The following SETD1A variants were observed in gnomAD, a reference collection of about 807,000 sequenced individuals.
The protein encoded by SETD1A is histone-lysine N-methyltransferase SETD1A.
In SETD1A, 29 loss-of-function variants were observed where a neutral mutation model predicts 149.9. The ratio of observed to expected loss-of-function variants is 0.19; its 90% CI spans 0.14 to 0.26. The LOEUF (loss-of-function observed/expected upper bound fraction) is 0.26, where lower values mean the gene tolerates loss of function less well. SETD1A is among the 10% of genes least tolerant of loss of function. SETD1A has a pLI of 1.00. For synonymous variants in SETD1A, 1,141 were observed against 968.5 expected (o/e 1.18, Z -3.31); for missense variants, 2,109 against 2,353.1 (o/e 0.90, Z 2.15).
Position 30,971,659 on chromosome 16 carries a change from G to A in SETD1A, c.3298G>A (p.Val1100Ile). Residue 1100 changes from valine (V) to isoleucine (I), a missense_variant, in exon 13 of 19, where the codon GTT becomes ATT. Val to Ile is a conservative substitution (Grantham distance 29, BLOSUM62 3). This residue lies in a region of SETD1A where 832 missense variants were observed against 815.6 expected (regional missense o/e 1.02). Coordinates refer to ENST00000262519, the MANE Select transcript of SETD1A (RefSeq NM_014712.3). ...TGTGGAGGTGCCAGTGCCGGAAAGGGTTGCAGGCTCCCCAGTCACACCCCT... is the reference window on the plus strand; with the variant it reads ...TGTGGAGGTGCCAGTGCCGGAAAGGATTGCAGGCTCCCCAGTCACACCCCT... ...APVEVPVPER[V>I]AGSPVTPLPE... 1.2e-6 allele frequency: 2 copies of A among 1,608,274 alleles called. No individual in the cohort carries two copies. The highest frequency in any genetic ancestry group is 1.1e-5 in the South Asian group (1 of 90,782).
chr16:30,966,976 G>T lies in SETD1A; in HGVS notation c.2598G>T (p.Trp866Cys). The change falls in exon 9 of 19, where the codon TGG becomes TGT. Residue 866 changes from tryptophan to cysteine, a missense_variant. Physicochemically the swap from Trp to Cys is radical, Grantham distance 215. Coordinates refer to ENST00000262519, the MANE Select transcript of SETD1A (RefSeq NM_014712.3). ...KEPGLLSLVDWAKSGGTTGIE... is the reference protein window; with the variant it reads ...KEPGLLSLVDCAKSGGTTGIE... ...CTGGCCTGCTGTCCCTCGTGGACTG[G>T]GCCAAGAGCGGGGGCACTACGGGCA... 1 of 1,592,508 alleles carries T rather than the reference G, an allele frequency of 6.3e-7. No individual in the cohort carries two copies. The highest frequency in any genetic ancestry group is 8.5e-7 in the Non-Finnish European group (1 of 1,170,190).
In SETD1A at chr16:30,961,580, G is replaced by T; in HGVS notation, c.517+43G>T. The stretch of plus-strand genomic sequence containing the variant: ...TGCCACTCAGGCTTGGCCTCCAGCG[G>T]AGGTTGTACATGCAAATGCCTGTCA... On this transcript the variant is annotated intron_variant, in intron 4 of 18. Coordinates refer to ENST00000262519, the MANE Select transcript of SETD1A (RefSeq NM_014712.3). This position sits in a 1 kb window ranked among gnomAD's most constrained non-coding sequence, Gnocchi z 4.0. The T allele has an allele frequency of 6.3e-7, 1 of 1,599,014 alleles. No individual in the cohort carries two copies. The highest frequency in any genetic ancestry group is 1.1e-5 in the South Asian group (1 of 89,652).
intron 4 of SETD1A, among the ~76,000 whole-genome samples, chr16:30,962,064 A>ATT (rs60360905): frequency 9.1e-6 from 1 of 110,346 alleles, no homozygotes; most frequent in Non-Finnish European, 1.9e-5. Flanking sequence ...CCTGTTTTTA[A>ATT]TTTTTTTTTT....
At position 30,971,668 on chromosome 16, in the gene SETD1A, TC is replaced by T; in HGVS notation, c.3311del (p.Pro1104GlnfsTer158). ...EVPVPERVAG[S>X]PVTPLPEQEA... ...GCCAGTGCCGGAAAGGGTTGCAGGC[TC>T]CCCAGTCACACCCCTGCCCGAACAG... On this transcript the variant is annotated frameshift_variant, in exon 13 of 19. Transcript: ENST00000262519. LOFTEE classifies it high-confidence loss of function. 6.2e-7 allele frequency: 1 copy of T among 1,605,284 alleles called. No individual in the cohort carries two copies. The highest frequency in any genetic ancestry group is 8.5e-7 in the Non-Finnish European group (1 of 1,173,824).
intron 13 of SETD1A, among the ~76,000 whole-genome samples, chr16:30,972,433 G>A (rs1320527884): frequency 1.3e-5 from 2 of 151,630 alleles, no homozygotes; most frequent in African/African-American, 2.4e-5. Context: ...TCAGGAGATC[G>A]AGACCATCCT....
At position 30,979,983 on chromosome 16, in the gene SETD1A, G is replaced by GCGC. The variant is rs1304934408; in HGVS notation, c.4205_4207dup (p.Arg1402dup). The GCGC allele has an allele frequency of 2.7e-6, 4 of 1,509,142 alleles. No homozygotes were observed. Among genetic ancestry groups the GCGC allele is most frequent in the South Asian group, 1.2e-5 (1 of 80,010 alleles). The allele number at this position is 1,509,142 out of a possible 1,614,324, so 93.5% of individuals were successfully genotyped here. A position where few individuals can be genotyped will look rare whatever the true frequency, so the allele number is the denominator to read the frequency against. ...GGCGCAGCCTCCGCTCCCACGCCCG[G>GCGC]CGCCGCCGCCCTCCGCCCCCACCCC... On this transcript the variant is annotated inframe_insertion, in exon 14 of 19. Transcript: ENST00000262519.
Position 30,967,564 on chromosome 16 carries a change from A to T in SETD1A, c.2746A>T (p.Thr916Ser), listed in dbSNP as rs777055935. ...ASEEKRPRPS[T>S]PAEEDEDDPE... is the part of the protein sequence containing the mutation. ...TGAGGAAAAGAGGCCTCGTCCCTCC[A>T]CTCCTGCTGAGGAAGATGAAGACGG... The change falls in exon 10 of 19, where the codon ACT becomes TCT. Residue 916 changes from threonine to serine, a missense_variant. By Grantham distance (58) the Thr-to-Ser change is moderately conservative. Coordinates refer to ENST00000262519, the MANE Select transcript of SETD1A (RefSeq NM_014712.3). The T allele has an allele frequency of 1.2e-6, 2 of 1,613,422 alleles. No individual in the cohort carries two copies. The highest frequency in any genetic ancestry group is 1.7e-6 in the Non-Finnish European group (2 of 1,179,860).
At chr16:30,968,333 G>A (rs2056176070) in intron 10 of SETD1A, among the ~76,000 whole-genome samples, 1 of 150,648 alleles carries the variant, frequency 6.6e-6, no homozygotes, top group African/African-American at 2.4e-5. Context: ...AACCCAGGAG[G>A]TGGAGGTTAC....
intron 13 of SETD1A, among the ~76,000 whole-genome samples, chr16:30,978,838 C>T (rs1343221393): frequency 2.0e-5 from 3 of 152,196 alleles, no homozygotes; most frequent in Non-Finnish European, 4.4e-5. Context: ...CCCTTCTCAG[C>T]GTGGTTACAG....
chr16:30,981,268 C>T (rs1309751014), intron 17 of SETD1A, 88 bp downstream of exon 17: 1 of 1,535,638 alleles, frequency 6.5e-7, no homozygotes, highest in African/African-American at 1.4e-5. Flanking sequence ...CCGGTTAAAG[C>T]CTTGCACACT....
rs2056418779 is a variant in SETD1A at position 30,983,888 on chromosome 16, G to A, written c.4989G>A (p.Gln1663=). 6.2e-7 allele frequency: 1 copy of A among 1,612,230 alleles called. No individual in the cohort carries two copies. The highest frequency in any genetic ancestry group is 8.5e-7 in the Non-Finnish European group (1 of 1,179,092). Reference sequence around the variant, plus strand: ...CCAAGGTCATCACCATCGAGTCCCAGAAGAAGATCGTGATCTACTCCAAGC... The same window carrying A: ...CCAAGGTCATCACCATCGAGTCCCAAAAGAAGATCGTGATCTACTCCAAGC... ...CYAKVITIES[Q]KKIVIYSKQP... is the part of the protein sequence containing the mutation. Residue 1663 remains glutamine, a synonymous_variant, in exon 19 of 19, where the codon CAG becomes CAA. Coordinates refer to ENST00000262519, the MANE Select transcript of SETD1A (RefSeq NM_014712.3). This position sits in a 1 kb window ranked among gnomAD's most constrained non-coding sequence, Gnocchi z 6.8.
In SETD1A at chr16:30,979,292, C is replaced by G. The variant is rs1567362575; in HGVS notation, c.3506C>G (p.Ser1169Cys). The G allele has an allele frequency of 1.2e-6, 2 of 1,611,520 alleles. No homozygotes were observed. The highest frequency in any genetic ancestry group is 1.7e-6 in the Non-Finnish European group (2 of 1,178,848). Residue 1169 changes from serine to cysteine, a missense_variant, in exon 14 of 19, where the codon TCC becomes TGC. Around this residue, in one of 8 missense-constraint regions of SETD1A, gnomAD observed 832 missense variants for 815.6 expected, o/e 1.02. Coordinates refer to ENST00000262519, the MANE Select transcript of SETD1A (RefSeq NM_014712.3). Reference protein sequence around the residue: ...PPPKKRRKTVSFSAIEVVPAP... With the variant: ...PPPKKRRKTVCFSAIEVVPAP... Reference sequence around the variant, plus strand: ...CCCAAGAAACGCCGGAAAACTGTCTCCTTCTCTGCCATCGAGGTGGTGCCA... The same window carrying G: ...CCCAAGAAACGCCGGAAAACTGTCTGCTTCTCTGCCATCGAGGTGGTGCCA...
intron 9 of SETD1A, among the ~76,000 whole-genome samples, 188 bp downstream of exon 9, chr16:30,967,248 G>A (rs2056161177): frequency 6.6e-6 from 1 of 152,126 alleles, no homozygotes; most frequent in African/African-American, 2.4e-5. Context: ...CCGCCTCCCG[G>A]GTTCAAGCGA....
chr16:30,978,939 C>T (rs1259664320), intron 13 of SETD1A, among the ~76,000 whole-genome samples: 1 of 152,232 alleles, frequency 6.6e-6, no homozygotes, highest in African/African-American at 2.4e-5. Context: ...ACACGTGTCA[C>T]AGCGGGAACG....
Position 30,984,137 on chromosome 16 carries a change from C to A in SETD1A, c.*114C>A. The A allele has an allele frequency of 1.9e-6, 2 of 1,070,224 alleles. No individual in the cohort carries two copies. The highest frequency in any genetic ancestry group is 2.6e-6 in the Non-Finnish European group (2 of 767,316). 66.3% of individuals were successfully genotyped at this position (1,070,224 alleles called of 1,614,324 possible). The stretch of plus-strand genomic sequence containing the variant: ...GGGCCCACATGCCCCCATCTCCAAG[C>A]GTGGGGTTGGGGGCCCCAAGCCCAG... On this transcript the variant is annotated 3_prime_UTR_variant, in exon 19 of 19. Transcript: ENST00000262519.
At position 30,969,357 on chromosome 16, in the gene SETD1A, C is replaced by G; in HGVS notation, c.2823C>G (p.Pro941=). ...AGEPGRPGTK[P]PKRDEERGKT... is the part of the protein sequence containing the mutation. ...AGCCAGGACGTCCGGGGACCAAGCC[C>G]CCGAAGCGGGACGAAGAGCGAGGCA... Residue 941 remains proline (P), a synonymous_variant, in exon 11 of 19, where the codon CCC becomes CCG. Transcript: ENST00000262519. The G allele has an allele frequency of 2.5e-6, 4 of 1,614,178 alleles. No individual in the cohort carries two copies. The highest frequency in any genetic ancestry group is 3.4e-6 in the Non-Finnish European group (4 of 1,180,024).
chr16:30,968,481 T>C (rs754497603), intron 10 of SETD1A, among the ~76,000 whole-genome samples: 50 of 149,942 alleles, frequency 3.3e-4, no homozygotes, highest in East Asian at 3.9e-4. Context: ...CACACACACA[T>C]ATATATATAC....
chr16:30,984,064 C>A lies in SETD1A; in HGVS notation c.*41C>A. 6.4e-7 allele frequency: 1 copy of A among 1,565,520 alleles called. No individual in the cohort carries two copies. Among genetic ancestry groups the A allele is most frequent in the South Asian group, 1.2e-5 (1 of 84,646 alleles). ...GTGCCCACACCCCTATTTATTCCCC[C>A]TGGTGCCCTGAGCTCCCAGCACCCC... is the stretch of plus-strand genomic sequence containing the variant. On this transcript the variant is annotated 3_prime_UTR_variant, in exon 19 of 19. Coordinates refer to ENST00000262519, the MANE Select transcript of SETD1A (RefSeq NM_014712.3).
At position 30,963,523 on chromosome 16, in the gene SETD1A, A is replaced by G. The variant is rs1567350951; in HGVS notation, c.608A>G (p.Lys203Arg). 1.2e-6 allele frequency: 2 copies of G among 1,613,334 alleles called. No individual in the cohort carries two copies. Among genetic ancestry groups the G allele is most frequent in the African/African-American group, 2.7e-5 (2 of 74,914 alleles). Residue 203 changes from lysine (K) to arginine (R), a missense_variant, in exon 5 of 19, where the codon AAG becomes AGG. By Grantham distance (26) the Lys-to-Arg change is conservative. Transcript: ENST00000262519. ...VPTGGKALSE[K>R]FQGSGAATET... ...ACTGGGGGCAAGGCCCTGAGTGAGA[A>G]GTTCCAAGGCTCGGGTGCAGCCACT... is the stretch of plus-strand genomic sequence containing the variant.
Sources: allele counts gnomAD v4.1 joint callset (sites outside exome capture counted in the v4.1 genomes callset), GRCh38; gene constraint gnomAD v4.1.1; regional missense constraint gnomAD v4.1.1; non-coding constraint Gnocchi (gnomAD v3.1); transcripts MANE v1.5; gene names NCBI Gene and HGNC (gene_info 2026-07-23, HGNC 2026-07-21).